SOS2: variants seen among roughly 807,000 people sequenced by gnomAD.
SOS2 encodes SOS Ras/Rho guanine nucleotide exchange factor 2.
Under a neutral mutation model 148.2 loss-of-function variants are expected in SOS2, and 65 were observed. That is an observed-to-expected ratio of 0.44 (90% CI 0.36 to 0.54). The LOEUF is 0.54. SOS2 is among the 20% of genes least tolerant of loss of function. The probability of loss-of-function intolerance (pLI) is 0.00; values close to 1 mark genes in which losing one functional copy is unlikely to be tolerated. For missense variants in SOS2, 1,341 were observed against 1,590.2 expected, an observed-to-expected ratio of 0.84 and a Z score of 2.67; for synonymous variants, 539 against 537.1, an observed-to-expected ratio of 1.00 and a Z score of -0.05.
intron 18 of SOS2, among the ~76,000 whole-genome samples, chr14:50,136,312 A>T (rs1023226629): frequency 6.6e-6 from 1 of 152,228 alleles, no homozygotes; most frequent in African/African-American, 2.4e-5. Context: ...TGTTTGACTC[A>T]ATCATATAGA....
intron 4 of SOS2, among the ~76,000 whole-genome samples, chr14:50,194,120 C>G (rs1334186449): frequency 6.6e-6 from 1 of 152,178 alleles, no homozygotes; most frequent in Non-Finnish European, 1.5e-5. Flanking sequence ...ATGTCTGAAA[C>G]AAGGACCAGC....
At chr14:50,182,282 C>CCCTGCTCAAG (rs200212231) in intron 6 of SOS2, among the ~76,000 whole-genome samples, 181 bp downstream of exon 6, 1 of 126,432 alleles carries the variant, frequency 7.9e-6, no homozygotes, top group African/African-American at 3.3e-5. Flanking sequence ...GCTTGATCTC[C>CCCTGCTCAAG]CAGGCTTCCT....
intron 1 of SOS2, among the ~76,000 whole-genome samples, chr14:50,229,960 G>A (rs1260091623): frequency 6.6e-6 from 1 of 152,142 alleles, no homozygotes; most frequent in Non-Finnish European, 1.5e-5. Flanking sequence ...GGCTGCACAT[G>A]GAAGTAAGGT....
chr14:50,132,760 A>G lies in SOS2; in HGVS notation c.3075+1363T>C, dbSNP rs139007011. Among the ~76,000 whole-genome samples the G allele has an allele frequency of 3.4e-4, 52 of 152,324 alleles. No individual in the cohort carries two copies. The East Asian group carries it at 6.0e-3, about 18-fold the overall frequency. On this transcript the variant is annotated intron_variant, in intron 19 of 22. Coordinates refer to ENST00000216373, the MANE Select transcript of SOS2 (RefSeq NM_006939.4). ...TGAGTTTGTAGAGGGTCAAAGAACA[A>G]TAACATCTGCTTACTATGGGACTGT...
intron 1 of SOS2, among the ~76,000 whole-genome samples, chr14:50,220,121 C>T (rs1033188682): frequency 1.3e-5 from 2 of 149,846 alleles, no homozygotes; most frequent in African/African-American, 4.9e-5. Flanking sequence ...CTGCATTGGG[C>T]CAGGCGCGGT....
chr14:50,165,702 G>A (rs957320412), intron 8 of SOS2, among the ~76,000 whole-genome samples: 5 of 152,088 alleles, frequency 3.3e-5, no homozygotes, highest in African/African-American at 1.2e-4. Flanking sequence ...TATCCACTAG[G>A]TGGTTGTCAG....
At chr14:50,147,004 G>C (rs1884501150) in intron 14 of SOS2, among the ~76,000 whole-genome samples, 1 of 151,696 alleles carries the variant, frequency 6.6e-6, no homozygotes, top group Non-Finnish European at 1.5e-5. Flanking sequence ...AGACTATCCT[G>C]GGCAATCATA....
At chr14:50,168,152 G>C (rs1343006551) in intron 8 of SOS2, among the ~76,000 whole-genome samples, 1 of 152,130 alleles carries the variant, frequency 6.6e-6, no homozygotes, top group Non-Finnish European at 1.5e-5. Context: ...GAGAGTAAGA[G>C]AACATTACTT....
At chr14:50,196,467 T>C (rs1315581445) in intron 4 of SOS2, among the ~76,000 whole-genome samples, 2 of 152,102 alleles carry the variant, frequency 1.3e-5, no homozygotes, top group African/African-American at 4.8e-5. Flanking sequence ...ATACAACAAA[T>C]TATCGTTGAC....
intron 1 of SOS2, among the ~76,000 whole-genome samples, chr14:50,224,459 GA>G (rs879732398): frequency 1.3e-5 from 2 of 151,004 alleles, no homozygotes; most frequent in African/African-American, 4.9e-5. Flanking sequence ...AATATTCAGA[GA>G]AAAAAAATCC....
At chr14:50,145,430 T>G in intron 15 of SOS2, 47 bp downstream of exon 15, 1 of 1,575,494 alleles carries the variant, frequency 6.3e-7, no homozygotes. Context: ...TAAATATGAC[T>G]TAATATTATG....
intron 8 of SOS2, among the ~76,000 whole-genome samples, chr14:50,162,617 G>A (rs1885045416): frequency 6.6e-6 from 1 of 152,028 alleles, no homozygotes; most frequent in Non-Finnish European, 1.5e-5. Flanking sequence ...ATAATCAAGG[G>A]TACTAACTTT....
At chr14:50,177,128 G>A (rs954124094) in intron 7 of SOS2, among the ~76,000 whole-genome samples, 1 of 151,998 alleles carries the variant, frequency 6.6e-6, no homozygotes, top group Non-Finnish European at 1.5e-5. Flanking sequence ...GAACAGCCTA[G>A]CCAATATGGT....
chr14:50,213,299 GAATTTGGT>G (rs1406080437), intron 1 of SOS2, among the ~76,000 whole-genome samples: 7 of 152,146 alleles, frequency 4.6e-5, no homozygotes, highest in Non-Finnish European at 8.8e-5. Context: ...TAAAAAGTTT[GAATTTGGT>G]AATAAGTGTA....
chr14:50,207,724 G>C (rs1205477253), intron 1 of SOS2, among the ~76,000 whole-genome samples: 2 of 151,678 alleles, frequency 1.3e-5, no homozygotes, highest in African/African-American at 4.8e-5. Flanking sequence ...TGGACAACCT[G>C]GTGAAACCCC....
At chr14:50,179,405 GACTGGGTCTC>G (rs1885656169) in intron 7 of SOS2, among the ~76,000 whole-genome samples, 2 of 151,826 alleles carry the variant, frequency 1.3e-5, no homozygotes, top group Non-Finnish European at 2.9e-5. Flanking sequence ...TTTTTTTTGA[GACTGGGTCTC>G]ACTCTGTACC....
At chr14:50,181,171 G>A (rs907898728) in intron 6 of SOS2, among the ~76,000 whole-genome samples, 2 of 152,100 alleles carry the variant, frequency 1.3e-5, no homozygotes, top group Non-Finnish European at 2.9e-5. Context: ...ATATATGACT[G>A]GGCGCGGTGG....
chr14:50,127,036 T>G (rs1263193374), intron 21 of SOS2, among the ~76,000 whole-genome samples: 2 of 152,072 alleles, frequency 1.3e-5, no homozygotes, highest in Non-Finnish European at 2.9e-5. Flanking sequence ...AGTACACCTT[T>G]CCCTTTTTCC....
intron 5 of SOS2, among the ~76,000 whole-genome samples, chr14:50,182,830 C>T (rs927698696): frequency 8.5e-5 from 13 of 152,140 alleles, no homozygotes; most frequent in Admixed American, 8.5e-4. Context: ...AAGAACTGTC[C>T]CGAGCTAAGC....
Sources: gnomAD v4.1 joint callset for allele counts (sites outside exome capture counted in the v4.1 genomes callset) on GRCh38, gnomAD v4.1.1 for gene constraint, MANE v1.5 for transcripts, NCBI Gene and HGNC (gene_info 2026-07-23, HGNC 2026-07-21) for gene names.